TRIM52: variants seen among roughly 807,000 people sequenced by gnomAD.
TRIM52 encodes E3 ubiquitin-protein ligase TRIM52.
Under a neutral mutation model 27.0 loss-of-function variants are expected in TRIM52, and 24 were observed. The observed-to-expected ratio is 0.89, with a 90% CI of 0.64 to 1.25. The LOEUF (loss-of-function observed/expected upper bound fraction) is 1.25, where lower values mean the gene tolerates loss of function less well. Among genes scored for constraint, TRIM52 ranks in the 50% most tolerant of loss-of-function variants. The pLI is 0.00. For synonymous variants in TRIM52, 125 were observed against 126.5 expected (o/e 0.99, Z 0.08); for missense variants, 351 against 354.7 (o/e 0.99, Z 0.08).
At chr5:181,250,878 G>A (rs1013391812), downstream of TRIM52, among the ~76,000 whole-genome samples, 3 of 152,182 alleles carry the variant, frequency 2.0e-5, no homozygotes, top group Admixed American at 6.5e-5. Context: ...AAGGGGATGT[G>A]AGCTCCATGG....
rs548906371 is a variant in TRIM52 at position 181,256,570 on chromosome 5, G to A, written c.*239C>T. On this transcript the variant is annotated 3_prime_UTR_variant, in exon 2 of 2. Coordinates refer to ENST00000688015, the MANE Select transcript of TRIM52 (RefSeq NM_001346048.2). Reference sequence around the variant, plus strand: ...CAGAGTTAAGACTGCAGAAGTAGATGAAGAAATTCTGGAATTCCTTAATTT... The same window carrying A: ...CAGAGTTAAGACTGCAGAAGTAGATAAAGAAATTCTGGAATTCCTTAATTT... 1.5e-3 allele frequency: 230 copies of A among 155,058 alleles called. No individual in the cohort carries two copies. The highest frequency in any genetic ancestry group is 2.5e-3 in the Non-Finnish European group (174 of 70,602). The allele number at this position is 155,058 out of a possible 1,614,324, so 9.6% of individuals were successfully genotyped here. A position where few individuals can be genotyped will look rare whatever the true frequency, so the allele number is the denominator to read the frequency against.
chr5:181,255,204 C>G lies in TRIM52; in HGVS notation c.*1605G>C, dbSNP rs1034221255. Reference sequence around the variant, plus strand: ...TGTGATAGCCATGTCACTGTTAAGCCTGAACTTTTCTTTCCTGGGTGGTGT... The same window carrying G: ...TGTGATAGCCATGTCACTGTTAAGCGTGAACTTTTCTTTCCTGGGTGGTGT... On this transcript the variant is annotated 3_prime_UTR_variant, in exon 2 of 2. Coordinates refer to ENST00000688015, the MANE Select transcript of TRIM52 (RefSeq NM_001346048.2). 3.6e-4 allele frequency: 55 copies of G among 152,246 alleles called. No homozygotes were observed. Among genetic ancestry groups the G allele is most frequent in the African/African-American group, 1.3e-3 (54 of 41,540 alleles). 9.4% of individuals were successfully genotyped at this position (152,246 alleles called of 1,614,324 possible).
rs891698820 is a variant in TRIM52 at position 181,261,002 on chromosome 5, C to A, written c.-189G>T. On this transcript the variant is annotated 5_prime_UTR_variant, in exon 1 of 2. It adds an upstream start codon to the 5' untranslated region. Coordinates refer to ENST00000688015, the MANE Select transcript of TRIM52 (RefSeq NM_001346048.2). ...GAACGCCCAGATCCAGACTCACAGCCTCTCTCTGGGATCGGTGGGGACAGA... is the reference window on the plus strand; with the variant it reads ...GAACGCCCAGATCCAGACTCACAGCATCTCTCTGGGATCGGTGGGGACAGA... 8 of 783,186 alleles carry A rather than the reference C, an allele frequency of 1.0e-5. No homozygotes were observed. Among genetic ancestry groups the A allele is most frequent in the Admixed American group, 9.0e-5 (3 of 33,188 alleles). The allele number at this position is 783,186 out of a possible 1,614,324, so 48.5% of individuals were successfully genotyped here. A position where few individuals can be genotyped will look rare whatever the true frequency, so the allele number is the denominator to read the frequency against.
chr5:181,251,912 G>T (rs774212988), downstream of TRIM52, among the ~76,000 whole-genome samples: 14 of 152,146 alleles, frequency 9.2e-5, no homozygotes, highest in Non-Finnish European at 2.1e-4. Flanking sequence ...TTCAATACTA[G>T]GTTTTGCCCC....
At chr5:181,257,676 A>G (rs573915180) in intron 1 of TRIM52, 3 of 441,542 alleles carry the variant, frequency 6.8e-6, no homozygotes, top group East Asian at 4.0e-5. Flanking sequence ...AATGGAAGGA[A>G]GTGACAATGA....
In TRIM52 at chr5:181,256,504, G is replaced by GT. The variant is rs1759785417; in HGVS notation, c.*304dup. The stretch of plus-strand genomic sequence containing the variant: ...CTGCCTCAGCCTCTTGCGAGCTGAT[G>GT]TTTTTTAAGATCTGAAGTTTGATAT... On this transcript the variant is annotated 3_prime_UTR_variant, in exon 2 of 2. Transcript: ENST00000688015. The GT allele has an allele frequency of 6.6e-6, 1 of 152,378 alleles. No homozygotes were observed. Among genetic ancestry groups the GT allele is most frequent in the Non-Finnish European group, 1.5e-5 (1 of 68,276 alleles). The allele number at this position is 152,378 out of a possible 1,614,324, so 9.4% of individuals were successfully genotyped here.
chr5:181,257,028 C>T, intron 1 of TRIM52, 169 bp from the exon 2 acceptor site: 1 of 991,568 alleles, frequency 1.0e-6, no homozygotes, highest in Non-Finnish European at 1.2e-6. Context: ...AGCTGGGTGG[C>T]AGGACAATCC....
At chr5:181,259,081 A>T (rs775846204) in intron 1 of TRIM52, 3 of 152,250 alleles carry the variant, frequency 2.0e-5, no homozygotes, top group Non-Finnish European at 4.4e-5. Flanking sequence ...ACTCATGCTC[A>T]TTGTCATTGA....
At position 181,260,419 on chromosome 5, in the gene TRIM52, T is replaced by C; in HGVS notation, c.395A>G (p.Gln132Arg). 1 of 1,584,942 alleles carries C rather than the reference T, an allele frequency of 6.3e-7. No individual in the cohort carries two copies. Among genetic ancestry groups the C allele is most frequent in the Non-Finnish European group, 8.5e-7 (1 of 1,176,640 alleles). The change falls in exon 1 of 2, where the codon CAG (glutamine) becomes CGG (arginine). Residue 132 changes from glutamine to arginine, a missense_variant. Gln to Arg is a conservative substitution (Grantham distance 43). Coordinates refer to ENST00000688015, the MANE Select transcript of TRIM52 (RefSeq NM_001346048.2). This position sits in a 1 kb window ranked among gnomAD's most constrained non-coding sequence, Gnocchi z 4.4. ...TCTCAAGCCTCCTAGGTAATAGTCC[T>C]GATCTTCCTCTTCTTCTTCTTCCTC... ...DEEEEEEEEDQDYYLGGLRPD... is the reference protein window; with the variant it reads ...DEEEEEEEEDRDYYLGGLRPD...
At chr5:181,257,429 C>T (rs1479082635) in intron 1 of TRIM52, 2 of 1,612,904 alleles carry the variant, frequency 1.2e-6, no homozygotes, top group Non-Finnish European at 1.7e-6. Context: ...GATTATAGGC[C>T]TTGCTGTGAA....
chr5:181,250,450 C>T (rs1402729112), downstream of TRIM52, among the ~76,000 whole-genome samples: 1 of 151,882 alleles, frequency 6.6e-6, no homozygotes, highest in African/African-American at 2.4e-5. Context: ...GCAGGAGAAT[C>T]ACTTGAACCC....
downstream of TRIM52, among the ~76,000 whole-genome samples, chr5:181,249,827 G>GTTTTTTTTTTTT (rs1237894738): frequency 7.8e-6 from 1 of 128,458 alleles, no homozygotes; most frequent in African/African-American, 3.0e-5. Flanking sequence ...ATCACTTGCA[G>GTTTTTTTTTTTT]TTTTTTTTTT....
At chr5:181,254,578 T>C (rs1039194458), downstream of TRIM52, 1 of 152,234 alleles carries the variant, frequency 6.6e-6, no homozygotes, top group South Asian at 2.1e-4. Context: ...GGTTTCACTG[T>C]GTTAGCCAGG....
In TRIM52 at chr5:181,260,301, C is replaced by T. The variant is rs143060535; in HGVS notation, c.513G>A (p.Pro171=). 1.2e-6 allele frequency: 2 copies of T among 1,614,116 alleles called. No individual in the cohort carries two copies. Among genetic ancestry groups the T allele is most frequent in the Non-Finnish European group, 1.7e-6 (2 of 1,180,016 alleles). ...GCCCTGGAAGGGGCAAGGAAGGAGGCGGGTGGATGTCAGGATACAGCTCTT... is the reference window on the plus strand; with the variant it reads ...GCCCTGGAAGGGGCAAGGAAGGAGGTGGGTGGATGTCAGGATACAGCTCTT... The part of the protein sequence containing the change: ...EDEELYPDIH[P]PPSLPLPGQF... Residue 171 remains proline (P), a synonymous_variant, in exon 1 of 2, where the codon CCG becomes CCA. Transcript: ENST00000688015. The surrounding 1 kb of genome is among the most constrained non-coding windows in gnomAD (Gnocchi z 4.4).
chr5:181,252,351 AAAATT>A (rs1481619638), downstream of TRIM52, among the ~76,000 whole-genome samples: 1 of 152,252 alleles, frequency 6.6e-6, no homozygotes, highest in African/African-American at 2.4e-5. Context: ...GTGGCTAATT[AAAATT>A]AAATTAAATA....
At chr5:181,249,615 G>A (rs749364253), downstream of TRIM52, among the ~76,000 whole-genome samples, 6 of 151,776 alleles carry the variant, frequency 4.0e-5, no homozygotes, top group Admixed American at 1.3e-4. Context: ...GTTGGAGGCC[G>A]CAGTGAGCTA....
chr5:181,255,117 TATC>T, downstream of TRIM52: 1 of 152,334 alleles, frequency 6.6e-6, no homozygotes, highest in East Asian at 1.9e-4. Context: ...CAAAATTAAG[TATC>T]ATGATTGAAA....
chr5:181,253,035 CT>C (rs537636866), downstream of TRIM52, among the ~76,000 whole-genome samples: 4,035 of 134,548 alleles, frequency 0.03, 125 homozygotes, highest in African/African-American at 0.083. Context: ...ACTCAGGGTA[CT>C]TTTTTTTTTT....
downstream of TRIM52, chr5:181,254,365 TTTG>T (rs552966712): frequency 2.7e-3 from 329 of 123,588 alleles, 17 homozygotes; most frequent in Middle Eastern, 9.3e-3. Flanking sequence ...ATGAATCAGG[TTTG>T]TTGTTGTTGT....
Sources: gnomAD v4.1 joint callset for allele counts (sites outside exome capture counted in the v4.1 genomes callset) on GRCh38, gnomAD v4.1.1 for gene constraint, Gnocchi (gnomAD v3.1) non-coding constraint, MANE v1.5 for transcripts, NCBI Gene and HGNC (gene_info 2026-07-23, HGNC 2026-07-21) for gene names.